Variants in UNC13A observed in about 807,000 individuals in gnomAD.
The protein encoded by UNC13A is protein unc-13 homolog A.
A neutral mutation model predicts 219.7 loss-of-function variants in UNC13A; 61 were observed. That is an observed-to-expected ratio of 0.28 (90% CI 0.23 to 0.34). UNC13A has a LOEUF of 0.34. Ranked by LOEUF, UNC13A falls within the 10% of genes least tolerant of loss-of-function variation. The pLI, the probability that UNC13A is intolerant of heterozygous loss-of-function variation, is 1.00. For missense variants in UNC13A, 1,476 were observed against 2,270.3 expected (o/e 0.65, Z 7.11); for synonymous variants, 920 against 884.6 (o/e 1.04, Z -0.71).
chr19:17,682,583 T>C (rs1340623940), intron 1 of UNC13A, among the ~76,000 whole-genome samples: 1 of 152,156 alleles, frequency 6.6e-6, no homozygotes, highest in Admixed American at 6.5e-5. Flanking sequence ...GATGCAACTC[T>C]GGAGGGCATC....
rs762155685 is a variant in UNC13A, at chr19:17,629,225, GC to G, written c.3753+14del. Reference sequence around the variant, plus strand: ...GGCTGAGGAGGGAGATAGGTCAGGGGCCCCCTCAGGTCACCACTTTCTCCTT... The same window carrying G: ...GGCTGAGGAGGGAGATAGGTCAGGGGCCCCTCAGGTCACCACTTTCTCCTT... On this transcript the variant is annotated intron_variant, in intron 31 of 43. Transcript: ENST00000519716. 3.8e-6 allele frequency: 6 copies of G among 1,598,586 alleles called. No homozygotes were observed. In the East Asian group the frequency reaches 9.0e-5, roughly 24 times the overall value.
chr19:17,656,353 C>G lies in UNC13A; in HGVS notation c.813G>C (p.Gln271His). The change falls in exon 10 of 44, where the codon CAG becomes CAC. Residue 271 changes from glutamine to histidine, a missense_variant. By Grantham distance (24) the Gln-to-His change is conservative. This residue lies in a region of UNC13A where 351 missense variants were observed against 342.6 expected (regional missense o/e 1.02). Transcript: ENST00000519716. ...SRYASSGELS[Q>H]GSSQLSEDFD... is the part of the protein sequence containing the mutation. ...AGTCCTCGCTCAGCTGAGAGCTTCC[C>G]TGGCTCAGCTCCCCGGAAGAGGCAT... The G allele has an allele frequency of 1.3e-6, 2 of 1,556,624 alleles. No individual in the cohort carries two copies. The highest frequency in any genetic ancestry group is 1.4e-5 in the African/African-American group (1 of 73,656).
intron 19 of UNC13A, among the ~76,000 whole-genome samples, chr19:17,644,838 A>G (rs2077008028): frequency 6.6e-6 from 1 of 150,640 alleles, no homozygotes; most frequent in Admixed American, 6.6e-5. Flanking sequence ...ACCACAGGTG[A>G]GTGTCACCCT....
At chr19:17,647,702 T>A (rs1347026868) in intron 16 of UNC13A, among the ~76,000 whole-genome samples, 1 of 151,090 alleles carries the variant, frequency 6.6e-6, no homozygotes, top group African/African-American at 2.4e-5. Flanking sequence ...GCCATGTCCC[T>A]GCGTCCTGCC....
intron 15 of UNC13A, 25 bp downstream of exon 15, chr19:17,648,886 CG>C (rs1279385191): frequency 6.4e-7 from 1 of 1,571,672 alleles, no homozygotes; most frequent in Non-Finnish European, 8.6e-7. Flanking sequence ...ATCCCTGACC[CG>C]GGGAAAAAGA....
intron 12 of UNC13A, among the ~76,000 whole-genome samples, chr19:17,650,251 C>T (rs962564589): frequency 1.2e-4 from 19 of 152,138 alleles, no homozygotes; most frequent in African/African-American, 4.6e-4. Flanking sequence ...TGGCTTACGC[C>T]TGTAATAATC....
chr19:17,663,687 T>C, intron 7 of UNC13A, 120 bp from the exon 8 acceptor site: 1 of 993,420 alleles, frequency 1.0e-6, no homozygotes, highest in East Asian at 2.6e-5. Context: ...AAGTCCCTCT[T>C]GTCCTGAGTA....
At chr19:17,626,237 C>T (rs62119951) in intron 34 of UNC13A, 18,561 of 160,344 alleles carry the variant, frequency 0.12, 1,236 homozygotes, top group Middle Eastern at 0.18. Flanking sequence ...GACATCCATC[C>T]ATCTAAGCAT....
intron 1 of UNC13A, among the ~76,000 whole-genome samples, chr19:17,678,765 G>A (rs968332904): frequency 7.9e-5 from 12 of 151,998 alleles, no homozygotes; most frequent in Non-Finnish European, 1.8e-4. Flanking sequence ...CTCTGTGAAG[G>A]GGGTGGGCAG....
chr19:17,639,723 G>A, intron 23 of UNC13A, 117 bp downstream of exon 23: 2 of 1,279,364 alleles, frequency 1.6e-6, no homozygotes, highest in East Asian at 2.4e-5. Context: ...ACATGCTGGA[G>A]GAACACATCG....
In UNC13A at chr19:17,647,360, G is replaced by A. The variant is rs750232302; in HGVS notation, c.1949C>T (p.Ala650Val). The change falls in exon 17 of 44, where the codon GCG becomes GTG. Residue 650 changes from alanine to valine, a missense_variant. Ala to Val is a moderately conservative substitution (Grantham distance 64). Transcript: ENST00000519716. ...EIFELIQEIF[A>V]VTKTAHTQQM... ...CTGCGTGTGCGCCGTCTTGGTCACC[G>A]CGAAGATCTCCTGGATGAGCTCGAA... 3 of 1,613,498 alleles carry A rather than the reference G, an allele frequency of 1.9e-6. No homozygotes were observed. Among genetic ancestry groups the A allele is most frequent in the Non-Finnish European group, 1.7e-6 (2 of 1,179,768 alleles).
At chr19:17,630,331 C>G in intron 29 of UNC13A, 43 bp from the exon 30 acceptor site, 1 of 1,550,696 alleles carries the variant, frequency 6.4e-7, no homozygotes, top group Non-Finnish European at 8.7e-7. Context: ...AGATCAGCAC[C>G]AGAGAATCCC....
intron 25 of UNC13A, among the ~76,000 whole-genome samples, chr19:17,637,578 G>T (rs556414600): frequency 6.6e-6 from 1 of 152,128 alleles, no homozygotes; most frequent in Non-Finnish European, 1.5e-5. Flanking sequence ...GATTACAGGC[G>T]TGAGCCACTG....
chr19:17,651,084 C>T lies in UNC13A; in HGVS notation c.1440-1497G>A, dbSNP rs559846996. Among the ~76,000 whole-genome samples the T allele has an allele frequency of 7.3e-4, 110 of 151,228 alleles. 2 individuals are homozygous for T. In the South Asian group the frequency reaches 0.014, roughly 19 times the overall value. ...TCCCAAGTAGCTGGGATTACAGGTG[C>T]GCACCACGACACCTGGCTAATTTTC... On this transcript the variant is annotated intron_variant, in intron 12 of 43. Coordinates refer to ENST00000519716, the MANE Select transcript of UNC13A (RefSeq NM_001080421.3).
intron 24 of UNC13A, 97 bp from the exon 25 acceptor site, chr19:17,639,314 T>A (rs2076943110): frequency 3.8e-6 from 6 of 1,582,662 alleles, no homozygotes; most frequent in Non-Finnish European, 5.2e-6. Context: ...AATGAAGTGG[T>A]ATGAAAGGAA....
chr19:17,630,851 C>T, intron 28 of UNC13A, 101 bp from the exon 29 acceptor site: 1 of 1,039,952 alleles, frequency 9.6e-7, no homozygotes, highest in Non-Finnish European at 1.4e-6. Flanking sequence ...ATGGCTGCTC[C>T]TGCTCTGCCT....
In UNC13A at chr19:17,602,035, A is replaced by G. The variant is rs2076469739; in HGVS notation, c.*4019T>C. 1 of 152,550 alleles carries G rather than the reference A, an allele frequency of 6.6e-6. No individual in the cohort carries two copies. The highest frequency in any genetic ancestry group is 1.5e-5 in the Non-Finnish European group (1 of 68,072). 9.4% of individuals were successfully genotyped at this position (152,550 alleles called of 1,614,324 possible). On this transcript the variant is annotated 3_prime_UTR_variant, in exon 44 of 44. Transcript: ENST00000519716. ...GGGTAGGGGACAGAAAGGCTCTGAG[A>G]TCCCAGCCGAGAGAGGTCCCAAGGA...
At position 17,662,606 on chromosome 19, in the gene UNC13A, C is replaced by T. The variant is rs145056979; in HGVS notation, c.559+926G>A. Among the ~76,000 whole-genome samples, 832 of 152,154 alleles carry T rather than the reference C, an allele frequency of 5.5e-3. 23 individuals carry two copies. Among genetic ancestry groups the T allele is most frequent in the Admixed American group, 0.043 (650 of 15,258 alleles). ...CCCTTGTGTCAAAAAGGTTGGGAAC[C>T]GCTGTTAGGTAGAAAAACGGACATT... is the stretch of plus-strand genomic sequence containing the variant. On this transcript the variant is annotated intron_variant, in intron 8 of 43. Coordinates refer to ENST00000519716, the MANE Select transcript of UNC13A (RefSeq NM_001080421.3).
chr19:17,677,207 G>T (rs2079915043), intron 1 of UNC13A, among the ~76,000 whole-genome samples: 1 of 151,832 alleles, frequency 6.6e-6, no homozygotes, highest in Non-Finnish European at 1.5e-5. Flanking sequence ...GCCCCCTCCT[G>T]GCTCTTCTCA....
Sources: gnomAD v4.1 joint callset for allele counts (sites outside exome capture counted in the v4.1 genomes callset) on GRCh38, gnomAD v4.1.1 for gene constraint, gnomAD v4.1.1 regional missense constraint, MANE v1.5 for transcripts, NCBI Gene and HGNC (gene_info 2026-07-23, HGNC 2026-07-21) for gene names.